Variants in CSMD1 observed in about 807,000 individuals in gnomAD.
CSMD1 encodes CUB and sushi domain-containing protein 1.
A neutral mutation model predicts 417.5 loss-of-function variants in CSMD1; 213 were observed. That is an observed-to-expected ratio of 0.51 (90% CI 0.46 to 0.57). CSMD1 has a LOEUF of 0.57. Among genes scored for constraint, CSMD1 ranks in the 20% least tolerant of loss-of-function variants. The pLI is 0.00. For synonymous variants in CSMD1, 2,862 were observed against 1,736.8 expected (o/e 1.65, Z -16.11); for missense variants, 6,923 against 4,529.7 (o/e 1.53, Z -15.17).
At chr8:3,063,739 C>G (rs1302734652) in intron 49 of CSMD1, among the ~76,000 whole-genome samples, 6 of 152,118 alleles carry the variant, frequency 3.9e-5, no homozygotes, top group African/African-American at 1.4e-4. Flanking sequence ...AAGACAAATA[C>G]TATGTGATTC....
chr8:4,244,298 T>A (rs911276323), intron 3 of CSMD1, among the ~76,000 whole-genome samples: 1 of 152,130 alleles, frequency 6.6e-6, no homozygotes, highest in South Asian at 2.1e-4. Flanking sequence ...GGAAACACTA[T>A]GCAGTCTTGT....
At chr8:3,192,368 G>A (rs1486039508) in intron 33 of CSMD1, among the ~76,000 whole-genome samples, 1 of 152,162 alleles carries the variant, frequency 6.6e-6, no homozygotes, top group African/African-American at 2.4e-5. Flanking sequence ...ATATCTTAGG[G>A]ATGGGACCCA....
chr8:4,031,525 T>A (rs1797345330), intron 4 of CSMD1, among the ~76,000 whole-genome samples: 1 of 152,074 alleles, frequency 6.6e-6, no homozygotes, highest in Admixed American at 6.6e-5. Context: ...CCACAACATG[T>A]GGGAATTGTG....
chr8:4,378,255 T>A (rs545400218), intron 3 of CSMD1, among the ~76,000 whole-genome samples: 2 of 152,340 alleles, frequency 1.3e-5, no homozygotes, highest in African/African-American at 2.4e-5. Flanking sequence ...TCTATTAACA[T>A]TTGTCAATAC....
intron 25 of CSMD1, among the ~76,000 whole-genome samples, chr8:3,286,301 C>G (rs901020909): frequency 6.6e-6 from 1 of 152,106 alleles, no homozygotes; most frequent in Non-Finnish European, 1.5e-5. Context: ...GTGCATGTGT[C>G]TTTATAGCAG....
At chr8:3,833,879 G>A (rs751844249) in intron 5 of CSMD1, among the ~76,000 whole-genome samples, 2 of 152,088 alleles carry the variant, frequency 1.3e-5, no homozygotes, top group Non-Finnish European at 2.9e-5. Context: ...AAGTGTAGTT[G>A]TAAACACCAA....
intron 40 of CSMD1, among the ~76,000 whole-genome samples, chr8:3,148,741 C>T (rs917613801): frequency 1.3e-5 from 2 of 152,194 alleles, no homozygotes; most frequent in Non-Finnish European, 2.9e-5. Context: ...AGAACTCCTA[C>T]CAGGGGCATC....
intron 2 of CSMD1, among the ~76,000 whole-genome samples, chr8:4,461,772 G>A (rs1296611694): frequency 1.2e-4 from 16 of 134,606 alleles, no homozygotes; most frequent in African/African-American, 2.2e-4. Flanking sequence ...ATGGAGTCTC[G>A]CTCTGTCACC....
At chr8:4,469,260 C>G (rs73660880) in intron 2 of CSMD1, among the ~76,000 whole-genome samples, 2 of 152,176 alleles carry the variant, frequency 1.3e-5, no homozygotes, top group South Asian at 2.1e-4. Flanking sequence ...AGGGGTCAGG[C>G]TGCAGCAAAG....
intron 3 of CSMD1, among the ~76,000 whole-genome samples, chr8:4,249,327 C>G (rs938740372): frequency 1.3e-5 from 2 of 152,138 alleles, no homozygotes; most frequent in Non-Finnish European, 2.9e-5. Flanking sequence ...CCACTTGTTT[C>G]TAAGAGGATG....
chr8:4,514,434 G>A (rs866446947), intron 2 of CSMD1, among the ~76,000 whole-genome samples: 7 of 152,126 alleles, frequency 4.6e-5, no homozygotes, highest in South Asian at 4.1e-4. Flanking sequence ...GAATGCCACA[G>A]GAAAAGCCTG....
chr8:3,395,223 T>C (rs1811612302), intron 17 of CSMD1, among the ~76,000 whole-genome samples: 1 of 152,152 alleles, frequency 6.6e-6, no homozygotes, highest in Non-Finnish European at 1.5e-5. Context: ...CAATAGTACT[T>C]GAGATAAAGC....
At chr8:3,354,794 C>G (rs923257373) in intron 21 of CSMD1, among the ~76,000 whole-genome samples, 12 of 121,364 alleles carry the variant, frequency 9.9e-5, no homozygotes, top group African/African-American at 3.8e-4. Flanking sequence ...ATATATATCA[C>G]TAAACTCTCT....
intron 26 of CSMD1, among the ~76,000 whole-genome samples, chr8:3,271,489 C>G (rs1336172453): frequency 6.8e-6 from 1 of 146,422 alleles, no homozygotes; most frequent in African/African-American, 2.6e-5. Context: ...TTCTAGATCC[C>G]TGACGAATGT....
intron 5 of CSMD1, among the ~76,000 whole-genome samples, chr8:3,880,016 C>G (rs1043978857): frequency 2.0e-5 from 3 of 151,830 alleles, no homozygotes; most frequent in Non-Finnish European, 4.4e-5. Flanking sequence ...AAGTTACTGA[C>G]TAATGTAAGT....
chr8:3,236,610 T>C (rs571613704), intron 26 of CSMD1, among the ~76,000 whole-genome samples: 42 of 152,288 alleles, frequency 2.8e-4, no homozygotes, highest in African/African-American at 9.6e-4. Context: ...GGCACTCCAT[T>C]AGGGGCAGAA....
At chr8:4,294,749 G>A (rs564659113) in intron 3 of CSMD1, among the ~76,000 whole-genome samples, 4 of 151,864 alleles carry the variant, frequency 2.6e-5, no homozygotes, top group South Asian at 4.2e-4. Context: ...GTAATTAGAT[G>A]ACTTTCTAAA....
At chr8:4,385,753 G>C (rs1803406146) in intron 3 of CSMD1, among the ~76,000 whole-genome samples, 1 of 152,108 alleles carries the variant, frequency 6.6e-6, no homozygotes, top group African/African-American at 2.4e-5. Flanking sequence ...AATCTAAAGA[G>C]GAATTCATGT....
chr8:4,205,666 G>A (rs975573998), intron 3 of CSMD1, among the ~76,000 whole-genome samples: 21 of 152,052 alleles, frequency 1.4e-4, no homozygotes, highest in African/African-American at 4.8e-4. Context: ...GGCTGTTGTG[G>A]CTCATTTGGG....
Sources: gnomAD v4.1 joint callset for allele counts (sites outside exome capture counted in the v4.1 genomes callset) on GRCh38, gnomAD v4.1.1 for gene constraint, MANE v1.5 for transcripts, NCBI Gene and HGNC (gene_info 2026-07-23, HGNC 2026-07-21) for gene names.